SMYD5: variants seen among roughly 807,000 people sequenced by gnomAD.
The protein encoded by SMYD5 is SMYD family member 5.
In SMYD5, 35 loss-of-function variants were observed where a neutral mutation model predicts 57.4. That is an observed-to-expected ratio of 0.61 (90% confidence interval 0.47 to 0.81). SMYD5 has a LOEUF of 0.81. Ranked by LOEUF, SMYD5 falls within the 30% of genes least tolerant of loss-of-function variation. The probability of loss-of-function intolerance (pLI) is 0.00; values close to 1 mark genes in which losing one functional copy is unlikely to be tolerated. For missense variants in SMYD5, 471 were observed against 527.9 expected, an observed-to-expected ratio of 0.89 and a Z score of 1.06; for synonymous variants, 198 against 189.7, an observed-to-expected ratio of 1.04 and a Z score of -0.36.
In SMYD5 at chr2:73,223,932, A is replaced by G. The variant is rs781101891; in HGVS notation, c.884-15A>G. ...AAAATGGGTAGAATAATGTGTGTGT[A>G]TTACTGTCTTACAGCAACTGGAGAG... On this transcript the variant is annotated splice_polypyrimidine_tract_variant and intron_variant, in intron 9 of 12. Coordinates refer to ENST00000389501, the MANE Select transcript of SMYD5 (RefSeq NM_006062.3). 4 of 1,612,538 alleles carry G rather than the reference A, an allele frequency of 2.5e-6. No individual in the cohort carries two copies.
In SMYD5 at chr2:73,219,546, T is replaced by C. The variant is rs372081776; in HGVS notation, c.206-505T>C. On this transcript the variant is annotated intron_variant, in intron 2 of 12. Transcript: ENST00000389501. ...ACAGGCACACACAACCATGTCCAGC[T>C]AATTTTTGCATTTTTAGTAGAAACG... 3.9e-4 allele frequency among the ~76,000 whole-genome samples: 59 copies of C among 152,312 alleles called. No individual in the cohort carries two copies. In the South Asian group the frequency reaches 0.012, roughly 31 times the overall value.
chr2:73,220,476 C>G (rs1686364009), intron 3 of SMYD5, among the ~76,000 whole-genome samples, 185 bp from the exon 4 acceptor site: 2 of 152,124 alleles, frequency 1.3e-5, no homozygotes, highest in African/African-American at 2.4e-5. Context: ...CTGAAAAGTT[C>G]TCTTCCCTTT....
Position 73,214,771 on chromosome 2 carries a change from C to T in SMYD5, c.96+409C>T, listed in dbSNP as rs545348201. 9 of 1,316,038 alleles carry T rather than the reference C, an allele frequency of 6.8e-6. No homozygotes were observed. The East Asian group carries it at 3.7e-4, about 54-fold the overall frequency. The allele number at this position is 1,316,038 out of a possible 1,614,324, so 81.5% of individuals were successfully genotyped here. A position where few individuals can be genotyped will look rare whatever the true frequency, so the allele number is the denominator to read the frequency against. On this transcript the variant is annotated intron_variant, in intron 1 of 12. Transcript: ENST00000389501. ...TTGGGTGAGGGGATGAGGAGAGAGGCCAAGATCCTTCACGAGGGTCCTTGG... is the reference window on the plus strand; with the variant it reads ...TTGGGTGAGGGGATGAGGAGAGAGGTCAAGATCCTTCACGAGGGTCCTTGG...
chr2:73,225,067 G>C, intron 11 of SMYD5, 107 bp downstream of exon 11: 2 of 773,868 alleles, frequency 2.6e-6, no homozygotes, highest in Non-Finnish European at 4.3e-6. Context: ...TCAGGCTGTT[G>C]GGTGGAATCC....
rs186495859 is a variant in SMYD5 at position 73,218,896 on chromosome 2, G to T, written c.132G>T (p.Lys44Asn). Residue 44 changes from lysine (K) to asparagine (N), a missense_variant, in exon 2 of 13, where the codon AAG becomes AAT. Coordinates refer to ENST00000389501, the MANE Select transcript of SMYD5 (RefSeq NM_006062.3). ...KGLFATQLIR[K>N]GETIFVERPL... ...TGTTTGCCACACAGCTCATCCGGAA[G>T]GGGGAGACCATCTTCGTAGAACGGC... The T allele has an allele frequency of 1.9e-6, 3 of 1,614,012 alleles. No individual in the cohort carries two copies. Among genetic ancestry groups the T allele is most frequent in the African/African-American group, 2.7e-5 (2 of 74,930 alleles).
In SMYD5 at chr2:73,226,169, C is replaced by T; in HGVS notation, c.*223C>T. 1.7e-6 allele frequency: 1 copy of T among 601,614 alleles called. No homozygotes were observed. The highest frequency in any genetic ancestry group is 2.3e-5 in the South Asian group (1 of 43,622). The allele number at this position is 601,614 out of a possible 1,614,324, so 37.3% of individuals were successfully genotyped here. On this transcript the variant is annotated 3_prime_UTR_variant, in exon 13 of 13. Coordinates refer to ENST00000389501, the MANE Select transcript of SMYD5 (RefSeq NM_006062.3). The stretch of plus-strand genomic sequence containing the variant: ...TGAGTTGGCTCAGACTCTGCACTGG[C>T]ACTGAGCCTTTCACAACTGGCCTCC...
Position 73,220,112 on chromosome 2 carries a change from G to A in SMYD5, c.267G>A (p.Gly89=), listed in dbSNP as rs1240202075. 1.9e-6 allele frequency: 3 copies of A among 1,614,074 alleles called. No individual in the cohort carries two copies. Among genetic ancestry groups the A allele is most frequent in the African/African-American group, 2.7e-5 (2 of 74,956 alleles). ...KAEENAQRLT[G]KPGQVLPHPE... ...AGGAGAATGCCCAGAGGCTGACCGGGAAACCAGGCCAGGTTCTGCCTCACC... is the reference window on the plus strand; with the variant it reads ...AGGAGAATGCCCAGAGGCTGACCGGAAAACCAGGCCAGGTTCTGCCTCACC... Residue 89 remains glycine (G), a synonymous_variant, in exon 3 of 13, where the codon GGG becomes GGA. Coordinates refer to ENST00000389501, the MANE Select transcript of SMYD5 (RefSeq NM_006062.3).
intron 11 of SMYD5, 76 bp from the exon 12 acceptor site, chr2:73,225,555 T>C (rs1686483691): frequency 3.7e-6 from 5 of 1,338,562 alleles, no homozygotes; most frequent in East Asian, 2.3e-5. Flanking sequence ...TGGTTGGAGA[T>C]AGGGTAGCTG....
chr2:73,215,152 T>C (rs1474293688), intron 1 of SMYD5, among the ~76,000 whole-genome samples: 1 of 152,236 alleles, frequency 6.6e-6, no homozygotes, highest in Non-Finnish European at 1.5e-5. Context: ...TATTGTTGTA[T>C]GGTATTTTTC....
intron 11 of SMYD5, chr2:73,225,236 T>C (rs1017672253): frequency 2.1e-5 from 10 of 482,158 alleles, no homozygotes; most frequent in Admixed American, 2.0e-4. Flanking sequence ...AATGCAGATA[T>C]GTAATTTCTA....
In SMYD5 at chr2:73,223,843, G is replaced by A; in HGVS notation, c.884-104G>A. 3 of 1,031,984 alleles carry A rather than the reference G, an allele frequency of 2.9e-6. No homozygotes were observed. The Admixed American group carries it at 5.1e-5, about 18-fold the overall frequency. 63.9% of individuals were successfully genotyped at this position (1,031,984 alleles called of 1,614,324 possible). ...GTAGGGACTGATGCCTTAGTGTGGT[G>A]GGGTTGCAGGACAGTGGAGACAGTG... On this transcript the variant is annotated intron_variant, in intron 9 of 12. Coordinates refer to ENST00000389501, the MANE Select transcript of SMYD5 (RefSeq NM_006062.3).
In SMYD5 at chr2:73,225,707, A is replaced by T; in HGVS notation, c.1106+6A>T. Reference sequence around the variant, plus strand: ...AGCCGCCACAAGATCCTCAGGTGCCAGCTGGGGACATGGTTGTGCAGCTGG... The same window carrying T: ...AGCCGCCACAAGATCCTCAGGTGCCTGCTGGGGACATGGTTGTGCAGCTGG... On this transcript the variant is annotated splice_donor_region_variant and intron_variant, in intron 12 of 12. Transcript: ENST00000389501. The T allele has an allele frequency of 1.9e-6, 3 of 1,614,260 alleles. No individual in the cohort carries two copies. Among genetic ancestry groups the T allele is most frequent in the Non-Finnish European group, 2.5e-6 (3 of 1,180,040 alleles).
chr2:73,219,354 C>T (rs1329059164), intron 2 of SMYD5, among the ~76,000 whole-genome samples: 1 of 152,026 alleles, frequency 6.6e-6, no homozygotes, highest in Non-Finnish European at 1.5e-5. Context: ...CTTTGCTGGC[C>T]ACATGCTTTT....
intron 11 of SMYD5, chr2:73,225,378 T>C (rs1452088572): frequency 1.4e-5 from 8 of 573,698 alleles, no homozygotes; most frequent in Non-Finnish European, 2.2e-5. Flanking sequence ...ACCTTGGCCA[T>C]TGACTGGCTT....
intron 3 of SMYD5, among the ~76,000 whole-genome samples, 196 bp from the exon 4 acceptor site, chr2:73,220,465 C>T (rs993338538): frequency 7.2e-5 from 11 of 152,144 alleles, no homozygotes; most frequent in African/African-American, 2.4e-4. Flanking sequence ...CTCCCCTCTA[C>T]CTGAAAAGTT....
In SMYD5 at chr2:73,226,830, C is replaced by T. The variant is rs1686517166; in HGVS notation, c.*884C>T. The T allele has an allele frequency of 6.5e-6, 1 of 152,726 alleles. No individual in the cohort carries two copies. Among genetic ancestry groups the T allele is most frequent in the Admixed American group, 6.5e-5 (1 of 15,278 alleles). 9.5% of individuals were successfully genotyped at this position (152,726 alleles called of 1,614,324 possible). ...TTAAAATGGGTCAGTGAGGGGCTCT[C>T]CTGGCCTCAATCTCCATCTTTAGGG... On this transcript the variant is annotated 3_prime_UTR_variant, in exon 13 of 13. Coordinates refer to ENST00000389501, the MANE Select transcript of SMYD5 (RefSeq NM_006062.3).
At chr2:73,222,918 A>G in intron 7 of SMYD5, 101 bp downstream of exon 7, 1 of 1,499,424 alleles carries the variant, frequency 6.7e-7, no homozygotes, top group South Asian at 1.1e-5. Context: ...GCCAAAGCCG[A>G]CTTGGTCTTC....
At chr2:73,223,828 A>T in intron 9 of SMYD5, 119 bp from the exon 10 acceptor site, 1 of 920,988 alleles carries the variant, frequency 1.1e-6, no homozygotes, top group South Asian at 1.3e-5. Flanking sequence ...GTAGGGACTG[A>T]TGCCTTAGTG....
chr2:73,218,149 A>G (rs1686323096), intron 1 of SMYD5, among the ~76,000 whole-genome samples: 1 of 152,188 alleles, frequency 6.6e-6, no homozygotes, highest in Admixed American at 6.5e-5. Flanking sequence ...AGGTCCATTC[A>G]TCTGTGCTAT....
Sources: allele counts gnomAD v4.1 joint callset (sites outside exome capture counted in the v4.1 genomes callset), GRCh38; gene constraint gnomAD v4.1.1; transcripts MANE v1.5; gene names NCBI Gene and HGNC (gene_info 2026-07-23, HGNC 2026-07-21).